The following MYO5A variants were observed in gnomAD, a reference collection of about 807,000 sequenced individuals.
MYO5A encodes myosin VA, also known as unconventional myosin-Va.
In MYO5A, 98 loss-of-function variants were observed where a neutral mutation model predicts 249.7. That is an observed-to-expected ratio of 0.39 (90% CI 0.33 to 0.46). The LOEUF is 0.46. MYO5A is among the 20% of genes least tolerant of loss of function. The pLI is 0.98. For missense variants in MYO5A, 1,696 were observed against 2,308.8 expected, an observed-to-expected ratio of 0.73 and a Z score of 5.44; for synonymous variants, 778 against 810.6, an observed-to-expected ratio of 0.96 and a Z score of 0.68.
At chr15:52,376,991 C>T (rs1416366250) in intron 18 of MYO5A, among the ~76,000 whole-genome samples, 2 of 152,048 alleles carry the variant, frequency 1.3e-5, no homozygotes, top group Non-Finnish European at 2.9e-5. Context: ...CAGGAAGAAA[C>T]GTTTATGAAA....
At position 52,336,556 on chromosome 15, in the gene MYO5A, C is replaced by T; in HGVS notation, c.4315G>A (p.Asp1439Asn). The T allele has an allele frequency of 1.3e-6, 2 of 1,595,384 alleles. No individual in the cohort carries two copies. Among genetic ancestry groups the T allele is most frequent in the Non-Finnish European group, 8.6e-7 (1 of 1,167,614 alleles). The change falls in exon 34 of 42, where the codon GAT becomes AAT. Residue 1439 changes from aspartate to asparagine, a missense_variant and splice_region_variant. Around this residue, in one of 5 missense-constraint regions of MYO5A, gnomAD observed 625 missense variants for 908.1 expected, o/e 0.69. Transcript: ENST00000399233. ...TGTTTTTCAAGTTGTTCCATCAAAT[C>T]CTAAAGATCAAAAAGAGAAATATAT... ...YRISLYKRMI[D>N]LMEQLEKQDK...
At chr15:52,511,903 C>T (rs2077396417) in intron 1 of MYO5A, among the ~76,000 whole-genome samples, 1 of 152,320 alleles carries the variant, frequency 6.6e-6, no homozygotes, top group African/African-American at 2.4e-5. Context: ...GTGGCTCACG[C>T]CTGTAATCCC....
In MYO5A at chr15:52,340,322, G is replaced by T. The variant is rs1279393077; in HGVS notation, c.4113C>A (p.Ile1371=). 3 of 1,613,858 alleles carry T rather than the reference G, an allele frequency of 1.9e-6. No individual in the cohort carries two copies. Among genetic ancestry groups the T allele is most frequent in the Admixed American group, 1.7e-5 (1 of 59,988 alleles). The change falls in exon 32 of 42, where the codon ATC becomes ATA. Residue 1371 remains isoleucine, a synonymous_variant. Transcript: ENST00000399233. ...ENEAEALRGE[I]QSLKEENNRQ... is the part of the protein sequence containing the mutation. ...GGTTGTTCTCCTCCTTCAGGCTCTGGATCTCCCCACGGAGGGCCTCGGCCT... is the reference window on the plus strand; with the variant it reads ...GGTTGTTCTCCTCCTTCAGGCTCTGTATCTCCCCACGGAGGGCCTCGGCCT...
chr15:52,420,778 T>C (rs542732563), intron 4 of MYO5A, among the ~76,000 whole-genome samples: 1 of 152,230 alleles, frequency 6.6e-6, no homozygotes, highest in Admixed American at 6.5e-5. Context: ...AAATAAAAGA[T>C]GTAGAAATAG....
intron 34 of MYO5A, among the ~76,000 whole-genome samples, chr15:52,335,419 G>A (rs1004338737): frequency 2.7e-5 from 4 of 150,874 alleles, no homozygotes; most frequent in Admixed American, 1.3e-4. Context: ...AGGAGGCTGA[G>A]GCAGGAGAAT....
At chr15:52,484,739 G>A (rs1168939264) in intron 1 of MYO5A, among the ~76,000 whole-genome samples, 1 of 152,128 alleles carries the variant, frequency 6.6e-6, no homozygotes, top group Admixed American at 6.6e-5. Flanking sequence ...CTACCTCCCA[G>A]GTTCAAGCAA....
intron 1 of MYO5A, among the ~76,000 whole-genome samples, chr15:52,441,697 T>G (rs915283116): frequency 6.6e-6 from 1 of 152,236 alleles, no homozygotes; most frequent in African/African-American, 2.4e-5. Context: ...TCCTGACTTC[T>G]TCTCCTCATT....
At chr15:52,425,291 T>C (rs758010239) in intron 4 of MYO5A, among the ~76,000 whole-genome samples, 11 of 152,188 alleles carry the variant, frequency 7.2e-5, no homozygotes, top group Non-Finnish European at 1.0e-4. Flanking sequence ...CACAGGATCA[T>C]GATGAAATTT....
chr15:52,486,828 A>G (rs2141518264), intron 1 of MYO5A, among the ~76,000 whole-genome samples: 1 of 152,328 alleles, frequency 6.6e-6, no homozygotes, highest in East Asian at 1.9e-4. Flanking sequence ...CACTGGAATC[A>G]TCAAAGGCTT....
intron 25 of MYO5A, among the ~76,000 whole-genome samples, chr15:52,355,758 T>C (rs35106306): frequency 0.35 from 52,619 of 152,112 alleles, 12,062 homozygotes; most frequent in Non-Finnish European, 0.5. Context: ...AGGATGTGCA[T>C]AGGTTATATG....
chr15:52,521,959 G>A (rs554570449), intron 1 of MYO5A, among the ~76,000 whole-genome samples: 5 of 152,332 alleles, frequency 3.3e-5, no homozygotes, highest in African/African-American at 1.2e-4. Context: ...AGTGGTCAGT[G>A]TGTGAAGGAA....
chr15:52,351,560 T>C (rs1596328984), intron 27 of MYO5A, 79 bp from the exon 28 acceptor site: 1 of 1,369,182 alleles, frequency 7.3e-7, no homozygotes, highest in South Asian at 1.2e-5. Flanking sequence ...CCCAAGCTGG[T>C]AGAAGAATTC....
intron 1 of MYO5A, among the ~76,000 whole-genome samples, chr15:52,442,280 C>T (rs2075799035): frequency 6.6e-6 from 1 of 152,056 alleles, no homozygotes; most frequent in African/African-American, 2.4e-5. Flanking sequence ...TCTCCTGGAG[C>T]AGCAAGGAGG....
chr15:52,410,344 C>T lies in MYO5A; in HGVS notation c.745G>A (p.Val249Met). 6.2e-7 allele frequency: 1 copy of T among 1,613,812 alleles called. No homozygotes were observed. The highest frequency in any genetic ancestry group is 8.5e-7 in the Non-Finnish European group (1 of 1,179,798). ...TATGGCCAGCTTACCTGGAATACCA[C>T]TCTGGATTTCTCTAAAAGATAAGTT... ...MRTYLLEKSR[V>M]VFQAEEERNY... The change falls in exon 6 of 42, where the codon GTG becomes ATG. Residue 249 changes from valine (V) to methionine (M), a missense_variant. By Grantham distance (21) the Val-to-Met change is conservative. Coordinates refer to ENST00000399233, the MANE Select transcript of MYO5A (RefSeq NM_001382347.1).
At chr15:52,371,618 T>A (rs2041119764) in intron 21 of MYO5A, among the ~76,000 whole-genome samples, 1 of 152,108 alleles carries the variant, frequency 6.6e-6, no homozygotes, top group African/African-American at 2.4e-5. Context: ...CCAGGCATGG[T>A]AGCTCATGCT....
At position 52,314,351 on chromosome 15, in the gene MYO5A, T is replaced by C. The variant is rs531976662; in HGVS notation, c.5410-148A>G. ...GACCAGAAGGAAGGAGGAGCTGGTCTGCACATTTACCTTTATCTGAATTTT... is the reference window on the plus strand; with the variant it reads ...GACCAGAAGGAAGGAGGAGCTGGTCCGCACATTTACCTTTATCTGAATTTT... On this transcript the variant is annotated intron_variant, in intron 40 of 41. Transcript: ENST00000399233. The C allele has an allele frequency of 6.0e-6, 4 of 662,284 alleles. No individual in the cohort carries two copies. The South Asian group carries it at 6.8e-5, about 11-fold the overall frequency. 41.0% of individuals were successfully genotyped at this position (662,284 alleles called of 1,614,324 possible).
Position 52,407,364 on chromosome 15 carries a change from C to A in MYO5A, c.874G>T (p.Gly292Cys). 1 of 1,613,562 alleles carries A rather than the reference C, an allele frequency of 6.2e-7. No individual in the cohort carries two copies. The highest frequency in any genetic ancestry group is 8.5e-7 in the Non-Finnish European group (1 of 1,179,612). ...ADNFNYTKQG[G>C]SPVIEGVDDA... The stretch of plus-strand genomic sequence containing the variant: ...TCCACTCCTTCAATCACAGGACTGC[C>A]TCCTTGTTTTGTGTAATTAAAGTTA... Residue 292 changes from glycine (G) to cysteine (C), a missense_variant, in exon 8 of 42, where the codon GGC (glycine) becomes TGC (cysteine). By Grantham distance (159) the Gly-to-Cys change is radical. Transcript: ENST00000399233.
chr15:52,442,270 T>C (rs1342114622), intron 1 of MYO5A, among the ~76,000 whole-genome samples: 1 of 151,796 alleles, frequency 6.6e-6, no homozygotes, highest in East Asian at 1.9e-4. Flanking sequence ...CCACCAGCCA[T>C]CTCCTGGAGC....
intron 1 of MYO5A, among the ~76,000 whole-genome samples, chr15:52,498,887 C>G (rs988823370): frequency 2.0e-5 from 3 of 152,178 alleles, no homozygotes; most frequent in Admixed American, 1.3e-4. Context: ...ATATTAACCC[C>G]TAATGGAATA....
Sources: gnomAD v4.1 joint callset for allele counts (sites outside exome capture counted in the v4.1 genomes callset) on GRCh38, gnomAD v4.1.1 for gene constraint, gnomAD v4.1.1 regional missense constraint, MANE v1.5 for transcripts, NCBI Gene and HGNC (gene_info 2026-07-23, HGNC 2026-07-21) for gene names.